Variants in CEP97 observed in about 807,000 individuals in gnomAD.
The protein encoded by CEP97 is centrosomal protein 97.
In CEP97, 43 loss-of-function variants were observed where a neutral mutation model predicts 73.1. The observed-to-expected ratio is 0.59, with a 90% CI of 0.46 to 0.76. The LOEUF is 0.76. CEP97 is among the 30% of genes least tolerant of loss of function. CEP97 has a pLI of 0.00. For missense variants in CEP97, 939 were observed against 1,014.0 expected (o/e 0.93, Z 1.00); for synonymous variants, 337 against 370.0 (o/e 0.91, Z 1.02).
intron 6 of CEP97, among the ~76,000 whole-genome samples, chr3:101,738,635 A>G (rs545971296): frequency 3.9e-5 from 6 of 152,364 alleles, no homozygotes; most frequent in East Asian, 3.9e-4. Flanking sequence ...TTTGAAACCA[A>G]TGAGAACAAA....
At chr3:101,726,789 A>G in intron 2 of CEP97, 53 bp downstream of exon 2, 1 of 1,318,278 alleles carries the variant, frequency 7.6e-7, no homozygotes. Flanking sequence ...ATTATTAAAC[A>G]AAACAATAAA....
intron 6 of CEP97, among the ~76,000 whole-genome samples, chr3:101,743,091 A>G (rs1938507650): frequency 6.6e-6 from 1 of 151,900 alleles, no homozygotes; most frequent in Admixed American, 6.6e-5. Flanking sequence ...AAAAAAATAC[A>G]AAAAATTTGC....
intron 7 of CEP97, 56 bp from the exon 8 acceptor site, chr3:101,757,007 A>G (rs754893022): frequency 3.1e-5 from 46 of 1,485,952 alleles, no homozygotes; most frequent in Non-Finnish European, 4.0e-5. Context: ...TAGGAAGCAG[A>G]AAATCTTTCT....
chr3:101,758,717 C>A, intron 9 of CEP97: 3 of 292,386 alleles, frequency 1.0e-5, no homozygotes, highest in Non-Finnish European at 1.9e-5. Context: ...TAGAAAGGTA[C>A]AGAAAACATT....
chr3:101,752,930 C>A (rs1454310505), intron 6 of CEP97, among the ~76,000 whole-genome samples: 1 of 152,180 alleles, frequency 6.6e-6, no homozygotes, highest in Non-Finnish European at 1.5e-5. Flanking sequence ...TGTTCCGTTG[C>A]TGGTGAGGAA....
intron 7 of CEP97, among the ~76,000 whole-genome samples, chr3:101,756,275 T>C (rs1483249922): frequency 6.6e-6 from 1 of 152,058 alleles, no homozygotes; most frequent in South Asian, 2.1e-4. Context: ...GCCAGGCTGG[T>C]CTTGAACTCC....
intron 6 of CEP97, among the ~76,000 whole-genome samples, chr3:101,752,998 C>T (rs1173921965): frequency 2.0e-5 from 3 of 152,170 alleles, no homozygotes; most frequent in African/African-American, 4.8e-5. Flanking sequence ...AGTTTTTCTG[C>T]TCTGTTTTTT....
chr3:101,728,942 G>A lies in CEP97; in HGVS notation c.447+5G>A. 7.0e-7 allele frequency: 1 copy of A among 1,419,444 alleles called. No individual in the cohort carries two copies. Among genetic ancestry groups the A allele is most frequent in the Non-Finnish European group, 9.9e-7 (1 of 1,009,180 alleles). The allele number at this position is 1,419,444 out of a possible 1,614,324, so 87.9% of individuals were successfully genotyped here. A position where few individuals can be genotyped will look rare whatever the true frequency, so the allele number is the denominator to read the frequency against. On this transcript the variant is annotated splice_donor_5th_base_variant and intron_variant, in intron 4 of 10. Coordinates refer to ENST00000341893, the MANE Select transcript of CEP97 (RefSeq NM_024548.4). ...TCTAAATTGGTATCCCTGAAAGTAA[G>A]TATGTTTTCTTTGTCATTTGTGAAG...
chr3:101,764,792 C>G lies in CEP97; in HGVS notation c.1894-55C>G, dbSNP rs893922314. On this transcript the variant is annotated intron_variant, in intron 10 of 10. Transcript: ENST00000341893. The stretch of plus-strand genomic sequence containing the variant: ...AGCGAGACCCTGTCTCAAAAACAAA[C>G]AAACAAAAACAACACTTTTTATTTT... 2.0e-6 allele frequency: 3 copies of G among 1,488,294 alleles called. No homozygotes were observed. In the Admixed American group the frequency reaches 6.5e-5, roughly 32 times the overall value. 92.2% of individuals were successfully genotyped at this position (1,488,294 alleles called of 1,614,324 possible).
rs1938859296 is a variant in CEP97 at position 101,752,397 on chromosome 3, A to G, written c.729-3033A>G. On this transcript the variant is annotated intron_variant, in intron 6 of 10. Coordinates refer to ENST00000341893, the MANE Select transcript of CEP97 (RefSeq NM_024548.4). ...CTTGGAGTTGCTCTTCTCAAGGAGT[A>G]TCTTTGTGGCGTTCTCTGTATTTCC... 2.6e-5 allele frequency among the ~76,000 whole-genome samples: 4 copies of G among 152,152 alleles called. No homozygotes were observed. In the East Asian group the frequency reaches 7.7e-4, roughly 29 times the overall value.
intron 6 of CEP97, among the ~76,000 whole-genome samples, chr3:101,733,305 C>A (rs1938171828): frequency 6.6e-6 from 1 of 151,894 alleles, no homozygotes; most frequent in African/African-American, 2.4e-5. Context: ...CTCACAAAAG[C>A]TTGTAATATA....
intron 6 of CEP97, among the ~76,000 whole-genome samples, chr3:101,750,119 T>C (rs1441325214): frequency 1.4e-5 from 2 of 141,926 alleles, no homozygotes; most frequent in African/African-American, 2.6e-5. Context: ...AGGGTTTTTA[T>C]GGTTTTAGGT....
At chr3:101,761,477 T>C (rs1326332824) in intron 9 of CEP97, among the ~76,000 whole-genome samples, 1 of 152,078 alleles carries the variant, frequency 6.6e-6, no homozygotes, top group Non-Finnish European at 1.5e-5. Flanking sequence ...TGAGACTTCA[T>C]TGAATGGGAG....
chr3:101,734,949 T>A (rs942637794), intron 6 of CEP97, among the ~76,000 whole-genome samples: 1 of 152,220 alleles, frequency 6.6e-6, no homozygotes, highest in African/African-American at 2.4e-5. Context: ...ATTAGCTGTG[T>A]GGCCTTGTCA....
chr3:101,741,305 G>A (rs1299525031), intron 6 of CEP97, among the ~76,000 whole-genome samples: 1 of 152,116 alleles, frequency 6.6e-6, no homozygotes, highest in Non-Finnish European at 1.5e-5. Flanking sequence ...ACCTAAAACT[G>A]TAAAAACCCT....
rs1408469837 is a variant in CEP97 at position 101,757,907 on chromosome 3, GTGT to G, written c.1304_1306del (p.Val435del). The G allele has an allele frequency of 6.2e-7, 1 of 1,614,258 alleles. No individual in the cohort carries two copies. The highest frequency in any genetic ancestry group is 1.7e-5 in the Admixed American group (1 of 60,032). On this transcript the variant is annotated inframe_deletion, in exon 9 of 11. Transcript: ENST00000341893. ...ATTAACTTGGGCCTAGAAGATGATG[GTGT>G]TGCAGATGAATCTGTGAAAGGGCTG...
intron 7 of CEP97, among the ~76,000 whole-genome samples, chr3:101,755,951 T>G (rs1433884597): frequency 6.6e-6 from 1 of 152,208 alleles, no homozygotes; most frequent in Non-Finnish European, 1.5e-5. Flanking sequence ...CAGTCTGATT[T>G]TAAACTCTTG....
intron 6 of CEP97, among the ~76,000 whole-genome samples, chr3:101,735,987 C>T (rs1200741965): frequency 2.6e-5 from 4 of 152,170 alleles, no homozygotes; most frequent in Non-Finnish European, 5.9e-5. Context: ...TGAAGTCGAC[C>T]TGGGATGCTC....
intron 6 of CEP97, among the ~76,000 whole-genome samples, chr3:101,745,694 C>T (rs1938591042): frequency 6.6e-6 from 1 of 151,376 alleles, no homozygotes; most frequent in Admixed American, 6.6e-5. Context: ...TTTCATTCCA[C>T]ATTTTTTGTT....
Sources: gnomAD v4.1 joint callset for allele counts (sites outside exome capture counted in the v4.1 genomes callset) on GRCh38, gnomAD v4.1.1 for gene constraint, MANE v1.5 for transcripts, NCBI Gene and HGNC (gene_info 2026-07-23, HGNC 2026-07-21) for gene names.